Variants in NYAP2 observed in about 807,000 individuals in gnomAD.
The protein encoded by NYAP2 is neuronal tyrosine-phosphorylated phosphoinositide-3-kinase adaptor 2, also known as neuronal tyrosine-phosphorylated phosphoinositide-3-kinase adapter 2.
Under a neutral mutation model 50.4 loss-of-function variants are expected in NYAP2, and 23 were observed. The ratio of observed to expected loss-of-function variants is 0.46; its 90% CI spans 0.33 to 0.65. The LOEUF (loss-of-function observed/expected upper bound fraction) is 0.65. Ranked by LOEUF, NYAP2 falls within the 30% of genes least tolerant of loss-of-function variation. NYAP2 has a pLI of 0.02. For missense variants in NYAP2, 885 were observed against 861.0 expected (o/e 1.03, Z -0.35); for synonymous variants, 394 against 365.2 (o/e 1.08, Z -0.90).
chr2:225,506,393 C>A (rs1690707723), intron 3 of NYAP2, among the ~76,000 whole-genome samples: 1 of 152,146 alleles, frequency 6.6e-6, no homozygotes, highest in African/African-American at 2.4e-5. Context: ...AAAGTCAAAG[C>A]AGATGTAACT....
chr2:225,597,439 T>C (rs2106239300), intron 5 of NYAP2, among the ~76,000 whole-genome samples: 1 of 146,512 alleles, frequency 6.8e-6, no homozygotes, highest in African/African-American at 2.5e-5. Context: ...GATAATGGTC[T>C]CTGATTCCAT....
chr2:225,528,918 T>G (rs536167823), intron 4 of NYAP2, among the ~76,000 whole-genome samples: 1 of 152,206 alleles, frequency 6.6e-6, no homozygotes, highest in Non-Finnish European at 1.5e-5. Context: ...AATGGGTGAA[T>G]AGACATCAAA....
At chr2:225,667,658 G>C in the NYAP2 span, among the ~76,000 whole-genome samples, 1 of 152,078 alleles carries the variant, frequency 6.6e-6, no homozygotes, top group Non-Finnish European at 1.5e-5. Context: ...AGATGACAGG[G>C]GGATTGTAGA....
chr2:225,563,274 A>G (rs903398829), intron 4 of NYAP2, among the ~76,000 whole-genome samples: 7 of 152,150 alleles, frequency 4.6e-5, no homozygotes, highest in Admixed American at 4.6e-4. Flanking sequence ...GATTTTCCAG[A>G]GAAGAGGTCC....
At chr2:225,596,688 A>C (rs1008912039) in intron 5 of NYAP2, among the ~76,000 whole-genome samples, 1 of 152,222 alleles carries the variant, frequency 6.6e-6, no homozygotes, top group Non-Finnish European at 1.5e-5. Context: ...AGCTTTGTAG[A>C]GAATGCCAAG....
intron 3 of NYAP2, among the ~76,000 whole-genome samples, chr2:225,422,403 A>G (rs1695229560): frequency 6.6e-6 from 1 of 152,160 alleles, no homozygotes; most frequent in African/African-American, 2.4e-5. Context: ...TCAAATCACA[A>G]ATACCAATAA....
chr2:225,641,826 A>G (rs1291112835), intron 6 of NYAP2, among the ~76,000 whole-genome samples: 3 of 152,126 alleles, frequency 2.0e-5, no homozygotes, highest in Non-Finnish European at 2.9e-5. Context: ...CTCAAAAAAT[A>G]AAAAAAGAAA....
chr2:225,628,315 GTTTTT>G (rs543647777), intron 6 of NYAP2, among the ~76,000 whole-genome samples: 1 of 109,416 alleles, frequency 9.1e-6, no homozygotes, highest in Non-Finnish European at 1.9e-5. Flanking sequence ...AGAACACATA[GTTTTT>G]TTTTTTTTTT....
intron 4 of NYAP2, among the ~76,000 whole-genome samples, chr2:225,521,839 G>A (rs953031294): frequency 4.6e-5 from 7 of 151,914 alleles, no homozygotes; most frequent in African/African-American, 9.7e-5. Context: ...GAATAATTTC[G>A]GAAGGAATGG....
intron 5 of NYAP2, among the ~76,000 whole-genome samples, chr2:225,596,606 A>C (rs779946513): frequency 2.0e-5 from 3 of 152,146 alleles, no homozygotes; most frequent in Non-Finnish European, 4.4e-5. Context: ...GATTTTTCTA[A>C]AGCTAATTTT....
intron 3 of NYAP2, among the ~76,000 whole-genome samples, chr2:225,423,456 C>G (rs1232549959): frequency 6.6e-6 from 1 of 152,142 alleles, no homozygotes; most frequent in Non-Finnish European, 1.5e-5. Context: ...ATGAAAACAG[C>G]CTGACCTCTG....
chr2:225,597,760 C>A (rs1692630778), intron 5 of NYAP2, among the ~76,000 whole-genome samples: 2 of 151,332 alleles, frequency 1.3e-5, no homozygotes, highest in African/African-American at 4.9e-5. Context: ...ATATTTACCT[C>A]ATAGGATTGT....
chr2:225,540,746 A>G (rs979050383), intron 4 of NYAP2, among the ~76,000 whole-genome samples: 1 of 152,232 alleles, frequency 6.6e-6, no homozygotes, highest in Non-Finnish European at 1.5e-5. Context: ...TGCAAGAAAC[A>G]TGGGAGTGCA....
At chr2:225,576,032 C>T (rs909807944) in intron 4 of NYAP2, among the ~76,000 whole-genome samples, 1 of 152,190 alleles carries the variant, frequency 6.6e-6, no homozygotes, top group Non-Finnish European at 1.5e-5. Context: ...CTTCAAAGAA[C>T]AGTAGTTCTG....
intron 3 of NYAP2, among the ~76,000 whole-genome samples, chr2:225,508,084 A>G (rs1266807994): frequency 6.6e-6 from 1 of 152,244 alleles, no homozygotes; most frequent in Non-Finnish European, 1.5e-5. Context: ...GTAATGGAAT[A>G]ACTAACCAAC....
At chr2:225,429,806 T>C (rs917663190) in intron 3 of NYAP2, among the ~76,000 whole-genome samples, 6 of 152,194 alleles carry the variant, frequency 3.9e-5, no homozygotes, top group African/African-American at 1.4e-4. Flanking sequence ...TGAATTCTGG[T>C]GCATCTATGA....
chr2:225,523,666 C>T (rs929586749), intron 4 of NYAP2, among the ~76,000 whole-genome samples: 1 of 152,002 alleles, frequency 6.6e-6, no homozygotes, highest in Non-Finnish European at 1.5e-5. Context: ...GACACAATCC[C>T]TATCAAATTA....
chr2:225,666,317 A>G, the NYAP2 span, among the ~76,000 whole-genome samples: 1 of 152,328 alleles, frequency 6.6e-6, no homozygotes, highest in Non-Finnish European at 1.5e-5. Flanking sequence ...TGACAAAAAG[A>G]GTCAAACTCT....
chr2:225,558,826 T>C (rs1362320541), intron 4 of NYAP2, among the ~76,000 whole-genome samples: 1 of 152,126 alleles, frequency 6.6e-6, no homozygotes, highest in Admixed American at 6.6e-5. Context: ...GTAATGGGAT[T>C]AACCTGATTT....
Sources: gnomAD v4.1 joint callset for allele counts (sites outside exome capture counted in the v4.1 genomes callset) on GRCh38, gnomAD v4.1.1 for gene constraint, MANE v1.5 for transcripts, NCBI Gene and HGNC (gene_info 2026-07-23, HGNC 2026-07-21) for gene names.